Variants in GALNTL6 observed in about 807,000 individuals in gnomAD.
GALNTL6 encodes polypeptide N-acetylgalactosaminyltransferase like 6.
GALNTL6 carries 46 observed loss-of-function variants against 73.7 expected under a neutral mutation model. That is an observed-to-expected ratio of 0.62 (90% CI 0.49 to 0.80). The LOEUF is 0.80. Ranked by LOEUF, GALNTL6 falls within the 30% of genes least tolerant of loss-of-function variation. GALNTL6 has a pLI of 0.00. For synonymous variants in GALNTL6, 259 were observed against 263.7 expected (o/e 0.98, Z 0.17); for missense variants, 604 against 755.0 (o/e 0.80, Z 2.34).
At chr4:172,059,425 T>C (rs1041949178) in intron 2 of GALNTL6, among the ~76,000 whole-genome samples, 1 of 152,088 alleles carries the variant, frequency 6.6e-6, no homozygotes, top group Non-Finnish European at 1.5e-5. Context: ...ATTCAAATGG[T>C]CGATGGAATC....
intron 2 of GALNTL6, among the ~76,000 whole-genome samples, chr4:171,989,759 TA>T (rs1740274702): frequency 6.6e-6 from 1 of 152,196 alleles, no homozygotes; most frequent in African/African-American, 2.4e-5. Context: ...GATTGGGTAA[TA>T]AAATGTATAT....
intron 5 of GALNTL6, among the ~76,000 whole-genome samples, chr4:172,430,295 TAGAG>T (rs879426098): frequency 8.6e-5 from 13 of 151,926 alleles, no homozygotes; most frequent in South Asian, 2.1e-4. Context: ...GGAAGAGAGA[TAGAG>T]AGACAGAAAG....
intron 7 of GALNTL6, among the ~76,000 whole-genome samples, chr4:172,844,179 G>T (rs555370291): frequency 6.6e-6 from 1 of 152,314 alleles, no homozygotes; most frequent in East Asian, 1.9e-4. Flanking sequence ...CGCGTACATT[G>T]AGCCATGTTC....
chr4:172,356,174 A>G (rs568412488), intron 5 of GALNTL6, among the ~76,000 whole-genome samples: 1 of 152,314 alleles, frequency 6.6e-6, no homozygotes, highest in East Asian at 1.9e-4. Context: ...AAATTGTGCA[A>G]TTCATTTCAT....
intron 5 of GALNTL6, among the ~76,000 whole-genome samples, chr4:172,471,273 C>G (rs1167403218): frequency 6.6e-6 from 1 of 152,140 alleles, no homozygotes; most frequent in East Asian, 1.9e-4. Context: ...AGTCCCAATT[C>G]CAGAGTTCTA....
chr4:172,496,363 T>C (rs1292004802), intron 5 of GALNTL6, among the ~76,000 whole-genome samples: 1 of 152,118 alleles, frequency 6.6e-6, no homozygotes, highest in African/African-American at 2.4e-5. Flanking sequence ...TTTCTAGAAA[T>C]AAGTTATATT....
In GALNTL6 at chr4:172,205,085, T is replaced by C. The variant is rs560276722; in HGVS notation, c.139-24571T>C. On this transcript the variant is annotated intron_variant, in intron 2 of 12. Transcript: ENST00000506823. ...GCATATTCAGCTAATTAAGAACCCC[T>C]AGATACACTACATTGGTGCTTTATA... Among the ~76,000 whole-genome samples the C allele has an allele frequency of 1.6e-4, 25 of 152,336 alleles. No homozygotes were observed. The South Asian group carries it at 5.0e-3, about 30-fold the overall frequency.
At chr4:172,057,134 A>T (rs983885984) in intron 2 of GALNTL6, among the ~76,000 whole-genome samples, 1 of 152,088 alleles carries the variant, frequency 6.6e-6, no homozygotes, top group Non-Finnish European at 1.5e-5. Context: ...TTGGCTGGGC[A>T]TGGTGGCTTA....
intron 2 of GALNTL6, among the ~76,000 whole-genome samples, chr4:172,216,162 A>G (rs894265012): frequency 2.0e-5 from 3 of 152,130 alleles, no homozygotes; most frequent in Non-Finnish European, 4.4e-5. Context: ...AGTTTTTGAA[A>G]TATACTATAT....
intron 5 of GALNTL6, among the ~76,000 whole-genome samples, chr4:172,352,918 A>G (rs1054475012): frequency 6.6e-6 from 1 of 152,060 alleles, no homozygotes; most frequent in African/African-American, 2.4e-5. Flanking sequence ...ACTTGAAACT[A>G]TCCTCCCAAT....
chr4:171,964,801 G>A (rs180816260), intron 2 of GALNTL6, among the ~76,000 whole-genome samples: 3 of 152,178 alleles, frequency 2.0e-5, no homozygotes, highest in Admixed American at 1.3e-4. Flanking sequence ...TCTGGCGGTC[G>A]ACCTTGGACA....
intron 5 of GALNTL6, among the ~76,000 whole-genome samples, chr4:172,454,439 T>G (rs753130656): frequency 1.3e-5 from 2 of 152,230 alleles, no homozygotes; most frequent in African/African-American, 2.4e-5. Flanking sequence ...AAAAACAAAG[T>G]GTCATTTGGA....
chr4:172,114,659 T>C (rs1732939074), intron 2 of GALNTL6, among the ~76,000 whole-genome samples: 1 of 152,104 alleles, frequency 6.6e-6, no homozygotes, highest in Non-Finnish European at 1.5e-5. Context: ...GACAATTTAA[T>C]TAGGATTAAT....
intron 3 of GALNTL6, among the ~76,000 whole-genome samples, chr4:172,272,110 G>T (rs919709725): frequency 1.3e-5 from 2 of 151,854 alleles, no homozygotes; most frequent in African/African-American, 4.8e-5. Flanking sequence ...GCGCCACCAC[G>T]CCCAGATAAT....
At chr4:172,692,037 T>A (rs183779543) in intron 5 of GALNTL6, among the ~76,000 whole-genome samples, 25 of 152,098 alleles carry the variant, frequency 1.6e-4, no homozygotes, top group African/African-American at 6.0e-4. Context: ...AAGCGGGATT[T>A]TTTTTAGAAA....
At chr4:172,967,593 A>C (rs931713274) in intron 10 of GALNTL6, among the ~76,000 whole-genome samples, 5 of 152,138 alleles carry the variant, frequency 3.3e-5, no homozygotes, top group African/African-American at 1.2e-4. Context: ...TATATTATGA[A>C]GTCCCAACTA....
intron 5 of GALNTL6, among the ~76,000 whole-genome samples, chr4:172,515,070 T>C (rs938975324): frequency 1.3e-5 from 2 of 152,224 alleles, no homozygotes; most frequent in African/African-American, 4.8e-5. Flanking sequence ...TAAGTCTCCA[T>C]ACACTGTTCT....
chr4:172,082,842 G>C (rs1260646879), intron 2 of GALNTL6, among the ~76,000 whole-genome samples: 1 of 152,054 alleles, frequency 6.6e-6, no homozygotes, highest in African/African-American at 2.4e-5. Context: ...GAGCATTGGT[G>C]GTGCTTTAAA....
intron 2 of GALNTL6, among the ~76,000 whole-genome samples, chr4:171,841,999 T>G (rs967881150): frequency 4.6e-5 from 7 of 152,218 alleles, no homozygotes; most frequent in African/African-American, 1.7e-4. Flanking sequence ...TGTTTCTTTT[T>G]TATTATTTAT....
Sources: allele counts gnomAD v4.1 joint callset (sites outside exome capture counted in the v4.1 genomes callset), GRCh38; gene constraint gnomAD v4.1.1; transcripts MANE v1.5; gene names NCBI Gene and HGNC (gene_info 2026-07-23, HGNC 2026-07-21).